TTC1: variants seen among roughly 807,000 people sequenced by gnomAD.
The protein encoded by TTC1 is tetratricopeptide repeat protein 1.
In TTC1, 31 loss-of-function variants were observed where a neutral mutation model predicts 37.6. The observed-to-expected ratio is 0.82, with a 90% CI of 0.62 to 1.11. The LOEUF is 1.11. Ranked by LOEUF, TTC1 falls within the 50% of genes most tolerant of loss-of-function variation. The pLI, the probability that TTC1 is intolerant of heterozygous loss-of-function variation, is 0.00. For missense variants in TTC1, 351 were observed against 339.0 expected (o/e 1.04, Z -0.28); for synonymous variants, 127 against 122.4 (o/e 1.04, Z -0.25).
In TTC1 at chr5:160,060,227, A is replaced by T. The variant is rs1757661057; in HGVS notation, c.746-4705A>T. 5.9e-5 allele frequency among the ~76,000 whole-genome samples: 9 copies of T among 152,314 alleles called. No homozygotes were observed. In the South Asian group the frequency reaches 1.7e-3, roughly 28 times the overall value. On this transcript the variant is annotated intron_variant, in intron 7 of 7. Coordinates refer to ENST00000231238, the MANE Select transcript of TTC1 (RefSeq NM_003314.3). ...TCCATGCCCGAGTGATCTTAAGGAGATGAAAACACAGCATTCCTGGTTATG... is the reference window on the plus strand; with the variant it reads ...TCCATGCCCGAGTGATCTTAAGGAGTTGAAAACACAGCATTCCTGGTTATG...
chr5:160,042,907 C>G (rs1011774145), intron 4 of TTC1, among the ~76,000 whole-genome samples: 1 of 152,164 alleles, frequency 6.6e-6, no homozygotes, highest in Non-Finnish European at 1.5e-5. Flanking sequence ...CAGAAAAAAG[C>G]GACTTGAATA....
chr5:160,021,637 C>A (rs573228847), intron 2 of TTC1, among the ~76,000 whole-genome samples: 1 of 152,170 alleles, frequency 6.6e-6, no homozygotes, highest in East Asian at 1.9e-4. Flanking sequence ...CCCTAGAGGA[C>A]CTGTAAAGGT....
intron 2 of TTC1, chr5:160,023,680 C>G: frequency 1.4e-6 from 2 of 1,433,720 alleles, no homozygotes; most frequent in Non-Finnish European, 1.9e-6. Context: ...GGGGACAAAG[C>G]CGTGTGCACA....
chr5:160,045,491 CACACACACACACACACACACACAT>C (rs1191607464), intron 5 of TTC1, among the ~76,000 whole-genome samples: 1,493 of 120,936 alleles, frequency 0.012, 38 homozygotes, highest in Admixed American at 0.021. Flanking sequence ...CACACACACA[CACACACACACACACACACACACAT>C]ACACACTCTC....
chr5:160,053,209 A>G (rs1757449859), intron 7 of TTC1, among the ~76,000 whole-genome samples: 1 of 152,204 alleles, frequency 6.6e-6, no homozygotes, highest in South Asian at 2.1e-4. Context: ...GTTCTGAGCA[A>G]GCTTTTCACA....
At chr5:160,013,968 T>C (rs1048691231) in intron 2 of TTC1, among the ~76,000 whole-genome samples, 4 of 152,206 alleles carry the variant, frequency 2.6e-5, no homozygotes, top group Non-Finnish European at 5.9e-5. Context: ...TTCTACATCC[T>C]GCACCATGCA....
chr5:160,041,713 A>G (rs1757098231), intron 4 of TTC1, among the ~76,000 whole-genome samples: 1 of 152,186 alleles, frequency 6.6e-6, no homozygotes, highest in African/African-American at 2.4e-5. Flanking sequence ...TATGACGGCT[A>G]CTATGTCATT....
At chr5:160,020,983 G>T (rs556645450) in intron 2 of TTC1, among the ~76,000 whole-genome samples, 1 of 152,202 alleles carries the variant, frequency 6.6e-6, no homozygotes, top group Non-Finnish European at 1.5e-5. Context: ...GGTAGGGACC[G>T]CTGCTCTAAA....
At chr5:160,029,482 A>C (rs1181512230) in intron 2 of TTC1, among the ~76,000 whole-genome samples, 1 of 88,356 alleles carries the variant, frequency 1.1e-5, no homozygotes, top group East Asian at 3.8e-4. Flanking sequence ...CCATCTCTAC[A>C]AAAAAAAAAA....
intron 5 of TTC1, among the ~76,000 whole-genome samples, chr5:160,044,811 T>C (rs1480523284): frequency 6.6e-6 from 1 of 152,200 alleles, no homozygotes; most frequent in East Asian, 1.9e-4. Flanking sequence ...GGTCTCAGCC[T>C]TATTTTACCC....
At chr5:160,016,996 A>G (rs532107626) in intron 2 of TTC1, among the ~76,000 whole-genome samples, 1 of 152,248 alleles carries the variant, frequency 6.6e-6, no homozygotes, top group Non-Finnish European at 1.5e-5. Flanking sequence ...GCTCTCAGAG[A>G]GTATAGTGTA....
intron 7 of TTC1, among the ~76,000 whole-genome samples, chr5:160,064,114 G>A (rs866130866): frequency 5.3e-5 from 8 of 152,160 alleles, no homozygotes; most frequent in African/African-American, 1.4e-4. Flanking sequence ...GACTGTAGGC[G>A]TATGCCACCA....
chr5:160,030,990 C>G (rs894773680), intron 2 of TTC1, among the ~76,000 whole-genome samples: 1 of 152,140 alleles, frequency 6.6e-6, no homozygotes, highest in Non-Finnish European at 1.5e-5. Flanking sequence ...TAAGGAAGAC[C>G]TATACACTAT....
chr5:160,013,702 C>T (rs1756543377), intron 2 of TTC1, among the ~76,000 whole-genome samples: 1 of 149,936 alleles, frequency 6.7e-6, no homozygotes, highest in African/African-American at 2.5e-5. Flanking sequence ...GAGATCAGGC[C>T]TCTGCACTCC....
chr5:160,014,521 T>G (rs1184647003), intron 2 of TTC1, among the ~76,000 whole-genome samples: 1 of 151,900 alleles, frequency 6.6e-6, no homozygotes, highest in Non-Finnish European at 1.5e-5. Context: ...AAATTTTTTT[T>G]TAATTAAAAT....
At chr5:160,059,529 T>A (rs1209021363) in intron 7 of TTC1, among the ~76,000 whole-genome samples, 1 of 152,264 alleles carries the variant, frequency 6.6e-6, no homozygotes, top group Non-Finnish European at 1.5e-5. Context: ...GTAGCACTTT[T>A]AATTTTGTTA....
intron 2 of TTC1, among the ~76,000 whole-genome samples, chr5:160,033,075 G>A (rs1049504513): frequency 6.6e-6 from 1 of 152,014 alleles, no homozygotes; most frequent in African/African-American, 2.4e-5. Context: ...CTGATTCTGT[G>A]AGCACTGATA....
At chr5:160,030,411 A>G (rs924681049) in intron 2 of TTC1, among the ~76,000 whole-genome samples, 2 of 152,266 alleles carry the variant, frequency 1.3e-5, no homozygotes, top group South Asian at 2.1e-4. Context: ...TGAACAAGAG[A>G]TTTCTGAATC....
chr5:160,029,330 A>C (rs549275748), intron 2 of TTC1, among the ~76,000 whole-genome samples: 1 of 152,074 alleles, frequency 6.6e-6, no homozygotes, highest in Non-Finnish European at 1.5e-5. Flanking sequence ...GTTTCTAAAC[A>C]CTATTCCACA....
Sources: allele counts gnomAD v4.1 joint callset (sites outside exome capture counted in the v4.1 genomes callset), GRCh38; gene constraint gnomAD v4.1.1; transcripts MANE v1.5; gene names NCBI Gene and HGNC (gene_info 2026-07-23, HGNC 2026-07-21).